ARHGAP15: variants seen among roughly 807,000 people sequenced by gnomAD.
The protein encoded by ARHGAP15 is Rho GTPase activating protein 15.
In ARHGAP15, 51 loss-of-function variants were observed where a neutral mutation model predicts 63.7. The observed-to-expected ratio is 0.80, with a 90% confidence interval of 0.64 to 1.01. The LOEUF (loss-of-function observed/expected upper bound fraction) is 1.01. Ranked by LOEUF, ARHGAP15 falls within the 50% of genes least tolerant of loss-of-function variation. The pLI is 0.00. For synonymous variants in ARHGAP15, 191 were observed against 193.8 expected, an observed-to-expected ratio of 0.99 and a Z score of 0.12; for missense variants, 560 against 564.6, an observed-to-expected ratio of 0.99 and a Z score of 0.08.
chr2:143,445,833 T>C (rs1690110796), intron 8 of ARHGAP15, among the ~76,000 whole-genome samples: 1 of 152,184 alleles, frequency 6.6e-6, no homozygotes, highest in African/African-American at 2.4e-5. Context: ...TTCAAGTTTC[T>C]ATTGGAGGCA....
chr2:143,390,743 A>ACG, intron 6 of ARHGAP15, among the ~76,000 whole-genome samples: 1 of 149,982 alleles, frequency 6.7e-6, no homozygotes, highest in Non-Finnish European at 1.5e-5. Flanking sequence ...ACACACACAC[A>ACG]CACACACACA....
intron 6 of ARHGAP15, among the ~76,000 whole-genome samples, chr2:143,423,516 A>G (rs1307257448): frequency 6.6e-6 from 1 of 152,168 alleles, no homozygotes; most frequent in African/African-American, 2.4e-5. Flanking sequence ...CTTAATGTGT[A>G]GAAAGGTCAA....
At chr2:143,479,274 A>C (rs1431934513) in intron 8 of ARHGAP15, among the ~76,000 whole-genome samples, 1 of 151,100 alleles carries the variant, frequency 6.6e-6, no homozygotes, top group African/African-American at 2.4e-5. Context: ...CTAAGTGTTA[A>C]TTTCGTAGAA....
chr2:143,700,646 G>A (rs531346090), intron 12 of ARHGAP15, among the ~76,000 whole-genome samples: 1 of 151,998 alleles, frequency 6.6e-6, no homozygotes, highest in African/African-American at 2.4e-5. Flanking sequence ...ATGCCAAACT[G>A]TACAGAATGT....
At chr2:143,159,969 A>G (rs969472092) in intron 2 of ARHGAP15, among the ~76,000 whole-genome samples, 2 of 152,082 alleles carry the variant, frequency 1.3e-5, no homozygotes, top group East Asian at 1.9e-4. Flanking sequence ...TTTGAAAAAC[A>G]TAGATACAGA....
At chr2:143,195,285 A>T (rs1368361652) in intron 2 of ARHGAP15, among the ~76,000 whole-genome samples, 1 of 152,202 alleles carries the variant, frequency 6.6e-6, no homozygotes, top group Non-Finnish European at 1.5e-5. Flanking sequence ...TTGTGGGCAG[A>T]TGGAGGAAAG....
intron 10 of ARHGAP15, among the ~76,000 whole-genome samples, chr2:143,548,936 AAGG>A (rs1695444925): frequency 6.6e-6 from 1 of 152,134 alleles, no homozygotes; most frequent in African/African-American, 2.4e-5. Context: ...CAGGTAATAA[AAGG>A]AGAATTGAAA....
At chr2:143,138,528 T>C (rs1573996451) in intron 1 of ARHGAP15, among the ~76,000 whole-genome samples, 1 of 152,294 alleles carries the variant, frequency 6.6e-6, no homozygotes, top group East Asian at 1.9e-4. Context: ...TTGTTTCTTC[T>C]CTGCAAATAT....
chr2:143,709,376 T>G (rs993879656), intron 13 of ARHGAP15, among the ~76,000 whole-genome samples: 2 of 152,218 alleles, frequency 1.3e-5, no homozygotes, highest in Admixed American at 1.3e-4. Context: ...GTAATGTTAT[T>G]TGTTGATTTT....
At chr2:143,412,251 A>G (rs1043314830) in intron 6 of ARHGAP15, among the ~76,000 whole-genome samples, 19 of 152,188 alleles carry the variant, frequency 1.2e-4, no homozygotes, top group African/African-American at 3.9e-4. Context: ...GATCTAGAGT[A>G]GTAGAAACAA....
chr2:143,374,027 C>A (rs1686695971), intron 6 of ARHGAP15, among the ~76,000 whole-genome samples: 1 of 152,132 alleles, frequency 6.6e-6, no homozygotes, highest in Admixed American at 6.6e-5. Flanking sequence ...TCTATAACAA[C>A]AAATCCCAAA....
chr2:143,235,462 A>T lies in ARHGAP15; in HGVS notation c.384+6794A>T, dbSNP rs188399750. Among the ~76,000 whole-genome samples, 10 of 152,288 alleles carry T rather than the reference A, an allele frequency of 6.6e-5. No homozygotes were observed. The East Asian group carries it at 1.9e-3, about 29-fold the overall frequency. On this transcript the variant is annotated intron_variant, in intron 5 of 13. Transcript: ENST00000295095. ...ATTTTTGTTTTGGTTTGAAGATAGG[A>T]TAAGAGAAAAGGATTGAGAAGAGTT... is the stretch of plus-strand genomic sequence containing the variant.
chr2:143,751,354 T>C (rs1263583067), intron 13 of ARHGAP15, among the ~76,000 whole-genome samples: 2 of 152,154 alleles, frequency 1.3e-5, no homozygotes, highest in African/African-American at 2.4e-5. Flanking sequence ...GGCTGACAGC[T>C]GAAGCTGCCT....
chr2:143,582,716 G>A (rs1432681579), intron 11 of ARHGAP15, among the ~76,000 whole-genome samples: 1 of 152,174 alleles, frequency 6.6e-6, no homozygotes, highest in Non-Finnish European at 1.5e-5. Context: ...AGCATTTCTA[G>A]ATGAATTGTG....
Position 143,216,421 on chromosome 2 carries a change from T to C in ARHGAP15, c.272T>C (p.Ile91Thr), listed in dbSNP as rs1692759371. 6.2e-7 allele frequency: 1 copy of C among 1,610,780 alleles called. No individual in the cohort carries two copies. The highest frequency in any genetic ancestry group is 1.7e-5 in the Admixed American group (1 of 59,444). ...GAAGGTTATCTGCAAAAAGCTAAAA[T>C]TGCAGATGGAGGAAAGAAACTAAGG... Reference protein sequence around the residue: ...EKEGYLQKAKIADGGKKLRKN... With the variant: ...EKEGYLQKAKTADGGKKLRKN... The change falls in exon 4 of 14, where the codon ATT becomes ACT. Residue 91 changes from isoleucine (I) to threonine (T), a missense_variant. Transcript: ENST00000295095.
chr2:143,319,319 G>T (rs1034285780), intron 6 of ARHGAP15, among the ~76,000 whole-genome samples: 2 of 151,580 alleles, frequency 1.3e-5, no homozygotes, highest in Non-Finnish European at 2.9e-5. Flanking sequence ...CAGCCTCGCA[G>T]GTTCATGCAA....
At chr2:143,362,900 T>C (rs1686125165) in intron 6 of ARHGAP15, among the ~76,000 whole-genome samples, 1 of 152,228 alleles carries the variant, frequency 6.6e-6, no homozygotes, top group Admixed American at 6.5e-5. Flanking sequence ...TATCATTCTC[T>C]GGACTACTAT....
intron 12 of ARHGAP15, among the ~76,000 whole-genome samples, chr2:143,639,739 G>A (rs1404734480): frequency 1.3e-5 from 2 of 152,008 alleles, no homozygotes; most frequent in African/African-American, 4.8e-5. Flanking sequence ...CATCCCTCAT[G>A]TCATGTGCCA....
chr2:143,419,271 CT>C (rs1208978230), intron 6 of ARHGAP15, among the ~76,000 whole-genome samples: 2 of 151,958 alleles, frequency 1.3e-5, no homozygotes, highest in Non-Finnish European at 2.9e-5. Flanking sequence ...TTGAAATGGG[CT>C]TATGCTTTAA....
Sources: gnomAD v4.1 joint callset for allele counts (sites outside exome capture counted in the v4.1 genomes callset) on GRCh38, gnomAD v4.1.1 for gene constraint, MANE v1.5 for transcripts, NCBI Gene and HGNC (gene_info 2026-07-23, HGNC 2026-07-21) for gene names.